Variants in GNAQ observed in about 807,000 individuals in gnomAD.
The protein encoded by GNAQ is G protein subunit alpha q.
GNAQ carries 8 observed loss-of-function variants against 43.9 expected under a neutral mutation model. The observed-to-expected ratio is 0.18, with a 90% CI of 0.11 to 0.33. The LOEUF is 0.33. Among genes scored for constraint, GNAQ ranks in the 10% least tolerant of loss-of-function variants. GNAQ has a pLI of 1.00. For missense variants in GNAQ, 158 were observed against 450.8 expected (o/e 0.35, Z 5.88); for synonymous variants, 155 against 170.7 (o/e 0.91, Z 0.71).
At chr9:77,950,899 A>C (rs1822965842) in intron 1 of GNAQ, among the ~76,000 whole-genome samples, 1 of 152,160 alleles carries the variant, frequency 6.6e-6, no homozygotes, top group Non-Finnish European at 1.5e-5. Flanking sequence ...AGCTGCTAAA[A>C]ATACTATATT....
intron 2 of GNAQ, among the ~76,000 whole-genome samples, chr9:77,897,730 G>C (rs1828526699): frequency 6.6e-6 from 1 of 152,116 alleles, no homozygotes; most frequent in African/African-American, 2.4e-5. Flanking sequence ...TTTGAGTGAA[G>C]GGAGGCCACT....
At chr9:77,777,365 A>C (rs529700998) in intron 5 of GNAQ, among the ~76,000 whole-genome samples, 1 of 152,174 alleles carries the variant, frequency 6.6e-6, no homozygotes, top group African/African-American at 2.4e-5. Context: ...CAATATACTA[A>C]AATGTAAGAG....
intron 1 of GNAQ, among the ~76,000 whole-genome samples, chr9:78,016,652 G>A (rs372496137): frequency 9.2e-5 from 14 of 151,480 alleles, no homozygotes; most frequent in Admixed American, 2.0e-4. Flanking sequence ...ACTGCACTCC[G>A]GCCTGGGCGA....
At chr9:77,979,929 GC>G (rs1482757341) in intron 1 of GNAQ, among the ~76,000 whole-genome samples, 1 of 152,178 alleles carries the variant, frequency 6.6e-6, no homozygotes, top group African/African-American at 2.4e-5. Flanking sequence ...TATGTACTTG[GC>G]CATGTTATGA....
chr9:77,943,649 G>A (rs1829345264), intron 1 of GNAQ, among the ~76,000 whole-genome samples: 2 of 148,306 alleles, frequency 1.3e-5, no homozygotes, highest in Non-Finnish European at 3.0e-5. Context: ...CTTTATCCTG[G>A]AAGTAACTAA....
intron 3 of GNAQ, among the ~76,000 whole-genome samples, chr9:77,806,690 G>T (rs1421914177): frequency 1.3e-5 from 2 of 152,134 alleles, no homozygotes; most frequent in Non-Finnish European, 2.9e-5. Context: ...CAGATGAGAA[G>T]AAATTAGGAA....
chr9:77,839,402 T>C (rs138261150), intron 2 of GNAQ, among the ~76,000 whole-genome samples: 2 of 152,338 alleles, frequency 1.3e-5, no homozygotes, highest in Non-Finnish European at 2.9e-5. Flanking sequence ...CTCAACTTTA[T>C]CCAGAGACTG....
intron 2 of GNAQ, among the ~76,000 whole-genome samples, chr9:77,899,594 A>G (rs1251123199): frequency 6.6e-5 from 10 of 152,164 alleles, no homozygotes; most frequent in Admixed American, 6.5e-4. Flanking sequence ...CTAGGAAAAA[A>G]AAGGAATATA....
chr9:77,733,545 A>G (rs1054133480), intron 5 of GNAQ, among the ~76,000 whole-genome samples: 3 of 152,046 alleles, frequency 2.0e-5, no homozygotes, highest in Admixed American at 1.3e-4. Flanking sequence ...ATCCTTCAAT[A>G]TCCAGGTCAA....
intron 5 of GNAQ, among the ~76,000 whole-genome samples, chr9:77,779,611 C>A (rs1407060157): frequency 6.9e-6 from 1 of 144,670 alleles, no homozygotes; most frequent in Non-Finnish European, 1.5e-5. Context: ...GAAAATGAAA[C>A]CAAAGCTGAT....
chr9:77,774,637 AT>A (rs1052565759), intron 5 of GNAQ, among the ~76,000 whole-genome samples: 1 of 151,954 alleles, frequency 6.6e-6, no homozygotes, highest in Non-Finnish European at 1.5e-5. Context: ...ATTTCTTTAT[AT>A]TTTTTGTAGA....
chr9:77,898,995 C>A (rs1828549024), intron 2 of GNAQ, among the ~76,000 whole-genome samples: 1 of 152,120 alleles, frequency 6.6e-6, no homozygotes, highest in Non-Finnish European at 1.5e-5. Context: ...CAAAGAGTAG[C>A]TGTACTATAA....
intron 3 of GNAQ, among the ~76,000 whole-genome samples, chr9:77,803,479 T>A (rs1287918690): frequency 6.6e-6 from 1 of 152,208 alleles, no homozygotes; most frequent in East Asian, 1.9e-4. Flanking sequence ...AAAAAAGGTT[T>A]TTGATGGTTT....
chr9:77,849,513 T>C (rs183595138), intron 2 of GNAQ, among the ~76,000 whole-genome samples: 13 of 152,206 alleles, frequency 8.5e-5, no homozygotes, highest in Admixed American at 8.5e-4. Context: ...CTGAATCCTC[T>C]CCCAGCTAAA....
intron 5 of GNAQ, among the ~76,000 whole-genome samples, chr9:77,757,006 C>T (rs2118313744): frequency 6.6e-6 from 1 of 152,256 alleles, no homozygotes; most frequent in Middle Eastern, 3.4e-3. Flanking sequence ...AGCTTGTTAT[C>T]TCTACTTGGA....
At chr9:77,730,723 A>T (rs1419256973) in intron 5 of GNAQ, among the ~76,000 whole-genome samples, 1 of 152,226 alleles carries the variant, frequency 6.6e-6, no homozygotes, top group African/African-American at 2.4e-5. Flanking sequence ...ATGACAGCAC[A>T]GACTTTAACA....
intron 2 of GNAQ, among the ~76,000 whole-genome samples, chr9:77,846,909 A>G (rs560076107): frequency 6.6e-6 from 1 of 152,308 alleles, no homozygotes; most frequent in African/African-American, 2.4e-5. Context: ...CACGAACTTC[A>G]CTGGGAGGGA....
intron 5 of GNAQ, among the ~76,000 whole-genome samples, chr9:77,760,806 G>A (rs1461695431): frequency 9.9e-5 from 15 of 151,396 alleles, no homozygotes; most frequent in Admixed American, 5.3e-4. Flanking sequence ...AGTGAGGAGC[G>A]TCTCTGCCCA....
At chr9:77,751,847 A>T (rs115836151) in intron 5 of GNAQ, among the ~76,000 whole-genome samples, 1,871 of 152,346 alleles carry the variant, frequency 0.012, 38 homozygotes, top group African/African-American at 0.042. Flanking sequence ...CAGGTCACTG[A>T]AGTGAAGTTA....
Sources: gnomAD v4.1 joint callset for allele counts (sites outside exome capture counted in the v4.1 genomes callset) on GRCh38, gnomAD v4.1.1 for gene constraint, MANE v1.5 for transcripts, NCBI Gene and HGNC (gene_info 2026-07-23, HGNC 2026-07-21) for gene names.